The following MRTFA variants were observed in gnomAD, a reference collection of about 807,000 sequenced individuals.
MRTFA encodes the protein myocardin related transcription factor A.
Under a neutral mutation model 83.5 loss-of-function variants are expected in MRTFA, and 20 were observed. The ratio of observed to expected loss-of-function variants is 0.24; its 90% CI spans 0.17 to 0.35. The LOEUF (loss-of-function observed/expected upper bound fraction) is 0.35. MRTFA is among the 10% of genes least tolerant of loss of function. The pLI is 1.00. For missense variants in MRTFA, 1,200 were observed against 1,224.7 expected, an observed-to-expected ratio of 0.98 and a Z score of 0.30; for synonymous variants, 659 against 541.2, an observed-to-expected ratio of 1.22 and a Z score of -3.02.
chr22:40,519,174 T>A (rs746667610), intron 3 of MRTFA, among the ~76,000 whole-genome samples: 1 of 151,968 alleles, frequency 6.6e-6, no homozygotes, highest in Non-Finnish European at 1.5e-5. Flanking sequence ...AGGGAAACAA[T>A]AAAAAAGATG....
At chr22:40,477,800 T>G (rs2054023085) in intron 3 of MRTFA, among the ~76,000 whole-genome samples, 1 of 144,056 alleles carries the variant, frequency 6.9e-6, no homozygotes, top group Non-Finnish European at 1.5e-5. Flanking sequence ...AAAGGAAGGG[T>G]AAAGGAAAGG....
At chr22:40,453,360 T>C (rs1351380596) in intron 4 of MRTFA, among the ~76,000 whole-genome samples, 1 of 152,198 alleles carries the variant, frequency 6.6e-6, no homozygotes, top group African/African-American at 2.4e-5. Context: ...ATCCTGCAAC[T>C]GAGCTCTGAC....
At chr22:40,439,370 T>G (rs906678294) in intron 4 of MRTFA, among the ~76,000 whole-genome samples, 2 of 151,674 alleles carry the variant, frequency 1.3e-5, no homozygotes, top group African/African-American at 4.8e-5. Context: ...TCAGGCATGG[T>G]GGCAGGCACC....
chr22:40,610,307 C>G (rs1252747253), intron 1 of MRTFA, among the ~76,000 whole-genome samples: 4 of 152,152 alleles, frequency 2.6e-5, no homozygotes, highest in Admixed American at 2.0e-4. Flanking sequence ...CTCGGCCTCC[C>G]AAAATGCTGA....
intron 2 of MRTFA, among the ~76,000 whole-genome samples, chr22:40,593,862 C>T (rs1209140937): frequency 1.3e-5 from 2 of 152,234 alleles, no homozygotes; most frequent in East Asian, 3.8e-4. Context: ...CAAGTTTACT[C>T]TGCAACTGAG....
intron 1 of MRTFA, among the ~76,000 whole-genome samples, chr22:40,624,874 T>C (rs1391106578): frequency 6.6e-6 from 1 of 152,184 alleles, no homozygotes; most frequent in Non-Finnish European, 1.5e-5. Flanking sequence ...AAGAATCAGC[T>C]TTCAGGTAAA....
At chr22:40,536,458 G>A (rs2055178181) in intron 3 of MRTFA, among the ~76,000 whole-genome samples, 1 of 146,930 alleles carries the variant, frequency 6.8e-6, no homozygotes, top group South Asian at 2.2e-4. Context: ...CGGGGCCCGA[G>A]GGCAAGGAGC....
Position 40,460,291 on chromosome 22 carries a change from T to G in MRTFA, c.307+2930A>C, listed in dbSNP as rs936538836. ...TAAGGAGACTAATAGATAAATCCTA[T>G]TAAACAATGATCTCCAGTAGCCCCT... On this transcript the variant is annotated intron_variant, in intron 4 of 14. Coordinates refer to ENST00000355630, the MANE Select transcript of MRTFA (RefSeq NM_020831.6). Among the ~76,000 whole-genome samples the G allele has an allele frequency of 2.6e-5, 4 of 152,222 alleles. No individual in the cohort carries two copies. The South Asian group carries it at 8.3e-4, about 32-fold the overall frequency.
In MRTFA at chr22:40,538,998, T is replaced by G. The variant is rs1048191926; in HGVS notation, c.241+13108A>C. ...AGGATACACAGCCTTTTGTTTTTTT[T>G]TTTTTTTTTTTTTTGAGACAAAGTC... On this transcript the variant is annotated intron_variant, in intron 3 of 14. Transcript: ENST00000355630. 8.3e-5 allele frequency among the ~76,000 whole-genome samples: 12 copies of G among 144,358 alleles called. No individual in the cohort carries two copies. The South Asian group carries it at 1.1e-3, about 14-fold the overall frequency. 94.7% of individuals were successfully genotyped at this position (144,358 alleles called of 152,430 possible). A position where few individuals can be genotyped will look rare whatever the true frequency, so the allele number is the denominator to read the frequency against.
At chr22:40,557,362 T>C (rs1421297969) in intron 2 of MRTFA, among the ~76,000 whole-genome samples, 1 of 152,218 alleles carries the variant, frequency 6.6e-6, no homozygotes, top group African/African-American at 2.4e-5. Flanking sequence ...ATATAAAAAG[T>C]TCTTAACTTA....
chr22:40,604,949 T>G (rs577666655), intron 1 of MRTFA, among the ~76,000 whole-genome samples: 3 of 152,110 alleles, frequency 2.0e-5, no homozygotes, highest in Non-Finnish European at 4.4e-5. Context: ...AAGAAGAGAC[T>G]AATCTATGAC....
At chr22:40,621,785 A>C (rs2056525979) in intron 1 of MRTFA, among the ~76,000 whole-genome samples, 1 of 152,194 alleles carries the variant, frequency 6.6e-6, no homozygotes, top group Non-Finnish European at 1.5e-5. Flanking sequence ...AAACATAATA[A>C]AAATTTTCCC....
At chr22:40,487,484 A>C (rs767895307) in intron 3 of MRTFA, among the ~76,000 whole-genome samples, 1 of 152,180 alleles carries the variant, frequency 6.6e-6, no homozygotes, top group African/African-American at 2.4e-5. Context: ...TGGCAAGATC[A>C]AACCAAGAAC....
chr22:40,505,843 C>A (rs573256055), intron 3 of MRTFA, among the ~76,000 whole-genome samples: 1 of 152,292 alleles, frequency 6.6e-6, no homozygotes, highest in South Asian at 2.1e-4. Context: ...AATTTCTGTT[C>A]TTAATAAATT....
intron 1 of MRTFA, among the ~76,000 whole-genome samples, chr22:40,596,807 AAAC>A (rs750805402): frequency 7.2e-5 from 11 of 152,076 alleles, no homozygotes; most frequent in East Asian, 5.8e-4. Flanking sequence ...TCCATCTCAA[AAAC>A]AACAACAACA....
At position 40,424,329 on chromosome 22, in the gene MRTFA, G is replaced by C; in HGVS notation, c.654C>G (p.Asp218Glu). The C allele has an allele frequency of 6.2e-7, 1 of 1,613,730 alleles. No homozygotes were observed. Among genetic ancestry groups the C allele is most frequent in the Non-Finnish European group, 8.5e-7 (1 of 1,179,802 alleles). Residue 218 changes from aspartate (D) to glutamate (E), a missense_variant, in exon 8 of 15, where the codon GAC (aspartate) becomes GAG (glutamate). Asp to Glu is a conservative substitution (Grantham distance 45). This residue lies in a region of MRTFA where 93 missense variants were observed against 182.9 expected (regional missense o/e 0.51). Coordinates refer to ENST00000355630, the MANE Select transcript of MRTFA (RefSeq NM_020831.6). ...GCTCGGGGGATAAGGCATCGCTGCT[G>C]TCCTCATCGAAGGAAGAGCTGTCTG... is the stretch of plus-strand genomic sequence containing the variant.
At chr22:40,534,637 G>C (rs1340090487) in intron 3 of MRTFA, among the ~76,000 whole-genome samples, 1 of 152,170 alleles carries the variant, frequency 6.6e-6, no homozygotes, top group East Asian at 1.9e-4. Flanking sequence ...GCCTCACAAA[G>C]TGCTGGGATT....
At chr22:40,451,378 C>T (rs73167051) in intron 4 of MRTFA, among the ~76,000 whole-genome samples, 5 of 152,234 alleles carry the variant, frequency 3.3e-5, no homozygotes, top group Admixed American at 1.3e-4. Context: ...GGGCAAGCAA[C>T]GATCCAAACT....
intron 3 of MRTFA, among the ~76,000 whole-genome samples, chr22:40,478,418 T>TC (rs1279120695): frequency 2.0e-5 from 3 of 152,202 alleles, no homozygotes; most frequent in Non-Finnish European, 4.4e-5. Flanking sequence ...ACAGGAACTC[T>TC]CCGTACTATC....
Sources: gnomAD v4.1 joint callset for allele counts (sites outside exome capture counted in the v4.1 genomes callset) on GRCh38, gnomAD v4.1.1 for gene constraint, gnomAD v4.1.1 regional missense constraint, MANE v1.5 for transcripts, NCBI Gene and HGNC (gene_info 2026-07-23, HGNC 2026-07-21) for gene names.